PDX1: variants seen among roughly 807,000 people sequenced by gnomAD.
PDX1 encodes the protein pancreatic and duodenal homeobox 1, also known as pancreas/duodenum homeobox protein 1.
In PDX1, 7 loss-of-function variants were observed where a neutral mutation model predicts 11.1. That is an observed-to-expected ratio of 0.63 (90% CI 0.36 to 1.19). The LOEUF is 1.19. Ranked by LOEUF, PDX1 falls within the 50% of genes most tolerant of loss-of-function variation. The pLI is 0.02. For synonymous variants in PDX1, 232 were observed against 196.2 expected (o/e 1.18, Z -1.53); for missense variants, 449 against 412.1 (o/e 1.09, Z -0.78).
At position 27,920,216 on chromosome 13, in the gene PDX1, G is replaced by C; in HGVS notation, c.78G>C (p.Pro26=). 1 of 1,549,094 alleles carries C rather than the reference G, an allele frequency of 6.5e-7. No homozygotes were observed. Among genetic ancestry groups the C allele is most frequent in the Non-Finnish European group, 8.7e-7 (1 of 1,146,342 alleles). The change falls in exon 1 of 2, where the codon CCG becomes CCC. Residue 26 remains proline (P), a synonymous_variant. Coordinates refer to ENST00000381033, the MANE Select transcript of PDX1 (RefSeq NM_000209.4). Reference sequence around the variant, plus strand: ...GCGCGTTCCAGCGAGGCCCGGCGCCGGAGTTCAGCGCCAGCCCCCCTGCGT... The same window carrying C: ...GCGCGTTCCAGCGAGGCCCGGCGCCCGAGTTCAGCGCCAGCCCCCCTGCGT... ...DPCAFQRGPA[P]EFSASPPACL... is the part of the protein sequence containing the mutation.
At position 27,926,244 on chromosome 13, in the gene PDX1, T is replaced by C. The variant is rs1957825467; in HGVS notation, c.*1543T>C. 1 of 152,244 alleles carries C rather than the reference T, an allele frequency of 6.6e-6. No homozygotes were observed. Among genetic ancestry groups the C allele is most frequent in the Non-Finnish European group, 1.5e-5 (1 of 68,042 alleles). The allele number at this position is 152,244 out of a possible 1,614,324, so 9.4% of individuals were successfully genotyped here. ...AGATGAAAACTGATTCTCCTCACTT[T>C]GTTTCAAACCTTTCTGGCAGTGGGA... On this transcript the variant is annotated 3_prime_UTR_variant, in exon 2 of 2. Coordinates refer to ENST00000381033, the MANE Select transcript of PDX1 (RefSeq NM_000209.4).
intron 1 of PDX1, among the ~76,000 whole-genome samples, chr13:27,922,278 G>A (rs536068412): frequency 6.6e-6 from 1 of 152,296 alleles, no homozygotes; most frequent in East Asian, 1.9e-4. Flanking sequence ...GACACTCTCG[G>A]GCTGGAGTTG....
In PDX1 at chr13:27,924,889, T is replaced by A; in HGVS notation, c.*188T>A. ...CATGTGCCAGTTGGGGCCCCGCGGG[T>A]AGATGCCGGCAGGCCTTCCGGAAGA... On this transcript the variant is annotated 3_prime_UTR_variant, in exon 2 of 2. Coordinates refer to ENST00000381033, the MANE Select transcript of PDX1 (RefSeq NM_000209.4). This position sits in a 1 kb window ranked among gnomAD's most constrained non-coding sequence, Gnocchi z 4.8. The A allele has an allele frequency of 4.2e-6, 2 of 471,012 alleles. No homozygotes were observed. Among genetic ancestry groups the A allele is most frequent in the Non-Finnish European group, 7.1e-6 (2 of 282,872 alleles). 29.2% of individuals were successfully genotyped at this position (471,012 alleles called of 1,614,324 possible). A position where few individuals can be genotyped will look rare whatever the true frequency, so the allele number is the denominator to read the frequency against.
At chr13:27,921,181 G>A (rs1345058716) in intron 1 of PDX1, among the ~76,000 whole-genome samples, 1 of 152,268 alleles carries the variant, frequency 6.6e-6, no homozygotes, top group African/African-American at 2.4e-5. Flanking sequence ...CTGAAAGCCG[G>A]CCTCTCAACG....
chr13:27,924,211 G>C lies in PDX1; in HGVS notation c.407-45G>C. The C allele has an allele frequency of 6.7e-7, 1 of 1,497,612 alleles. No individual in the cohort carries two copies. The highest frequency in any genetic ancestry group is 1.4e-5 in the African/African-American group (1 of 72,634). The allele number at this position is 1,497,612 out of a possible 1,614,324, so 92.8% of individuals were successfully genotyped here. Reference sequence around the variant, plus strand: ...GGGTTGGGCTGCGTGGGTGGGGGCTGTGCGGGGCTCCGGGGGCCACACTCA... The same window carrying C: ...GGGTTGGGCTGCGTGGGTGGGGGCTCTGCGGGGCTCCGGGGGCCACACTCA... On this transcript the variant is annotated intron_variant, in intron 1 of 1. Transcript: ENST00000381033. This position sits in a 1 kb window ranked among gnomAD's most constrained non-coding sequence, Gnocchi z 4.8.
At position 27,920,324 on chromosome 13, in the gene PDX1, C is replaced by A. The variant is rs550685153; in HGVS notation, c.186C>A (p.Pro62=). Reference sequence around the variant, plus strand: ...TGGGCGCGCTGGAGCAGGGCAGCCCCCCGGACATCTCCCCGTACGAGGTGC... The same window carrying A: ...TGGGCGCGCTGGAGCAGGGCAGCCCACCGGACATCTCCCCGTACGAGGTGC... ...GALGALEQGS[P]PDISPYEVPP... is the part of the protein sequence containing the mutation. The change falls in exon 1 of 2, where the codon CCC becomes CCA. Residue 62 remains proline (P), a synonymous_variant. Transcript: ENST00000381033. 1.9e-6 allele frequency: 3 copies of A among 1,542,318 alleles called. No homozygotes were observed. In the South Asian group the frequency reaches 3.6e-5, roughly 18 times the overall value.
At chr13:27,923,923 T>A (rs1408146855) in intron 1 of PDX1, among the ~76,000 whole-genome samples, 3 of 152,234 alleles carry the variant, frequency 2.0e-5, no homozygotes, top group Non-Finnish European at 2.9e-5. Flanking sequence ...ATTATATACA[T>A]TTAAATCAAC....
chr13:27,920,070 C>T lies in PDX1; in HGVS notation c.-69C>T, dbSNP rs1027085993. 8.6e-5 allele frequency: 132 copies of T among 1,535,622 alleles called. No individual in the cohort carries two copies. The African/African-American group carries it at 1.7e-3, about 20-fold the overall frequency. On this transcript the variant is annotated 5_prime_UTR_variant, in exon 1 of 2. Coordinates refer to ENST00000381033, the MANE Select transcript of PDX1 (RefSeq NM_000209.4). ...GTGGGAACGCCACACAGTGCCAAAT[C>T]CCCGGCTCCAGCTCCCGACTCCCGG...
Position 27,924,104 on chromosome 13 carries a change from A to G in PDX1, c.407-152A>G. 6.4e-6 allele frequency: 4 copies of G among 626,542 alleles called. No homozygotes were observed. Among genetic ancestry groups the G allele is most frequent in the Non-Finnish European group, 1.1e-5 (4 of 373,188 alleles). 38.8% of individuals were successfully genotyped at this position (626,542 alleles called of 1,614,324 possible). On this transcript the variant is annotated intron_variant, in intron 1 of 1. Transcript: ENST00000381033. This position sits in a 1 kb window ranked among gnomAD's most constrained non-coding sequence, Gnocchi z 4.8. ...GGGAAGAGCTTCGCGCGCCTACACT[A>G]GGCGCTGAAATGGGATGCTGGGGCT... is the stretch of plus-strand genomic sequence containing the variant.
At position 27,924,851 on chromosome 13, in the gene PDX1, G is replaced by A. The variant is rs1298680875; in HGVS notation, c.*150G>A. 4.9e-6 allele frequency: 3 copies of A among 618,228 alleles called. No homozygotes were observed. The highest frequency in any genetic ancestry group is 7.0e-5 in the East Asian group (2 of 28,438). The allele number at this position is 618,228 out of a possible 1,614,324, so 38.3% of individuals were successfully genotyped here. On this transcript the variant is annotated 3_prime_UTR_variant, in exon 2 of 2. Coordinates refer to ENST00000381033, the MANE Select transcript of PDX1 (RefSeq NM_000209.4). The surrounding 1 kb of genome is among the most constrained non-coding windows in gnomAD (Gnocchi z 4.8). Reference sequence around the variant, plus strand: ...CACCTTAGACCGAAGGGGAAAACCCGCTCTCTCAGGCGCATGTGCCAGTTG... The same window carrying A: ...CACCTTAGACCGAAGGGGAAAACCCACTCTCTCAGGCGCATGTGCCAGTTG...
chr13:27,920,163 G>T lies in PDX1; in HGVS notation c.25G>T (p.Ala9Ser). 3 of 1,549,898 alleles carry T rather than the reference G, an allele frequency of 1.9e-6. No individual in the cohort carries two copies. The highest frequency in any genetic ancestry group is 1.7e-4 in the Middle Eastern group (1 of 5,948). Residue 9 changes from alanine to serine, a missense_variant, in exon 1 of 2, where the codon GCG (alanine) becomes TCG (serine). By Grantham distance (99) the Ala-to-Ser change is moderately conservative. Coordinates refer to ENST00000381033, the MANE Select transcript of PDX1 (RefSeq NM_000209.4). MNGEEQYY[A>S]ATQLYKDPCA... ...CATGAACGGCGAGGAGCAGTACTAC[G>T]CGGCCACGCAGCTTTACAAGGACCC...
In PDX1 at chr13:27,924,796, G is replaced by A; in HGVS notation, c.*95G>A. ...CCCCGGGCGTGGACCACCCGCCCTG[G>A]CAGTTGAATGGGGCGGCAATTGCGG... On this transcript the variant is annotated 3_prime_UTR_variant, in exon 2 of 2. Coordinates refer to ENST00000381033, the MANE Select transcript of PDX1 (RefSeq NM_000209.4). The surrounding 1 kb of genome is among the most constrained non-coding windows in gnomAD (Gnocchi z 4.8). The A allele has an allele frequency of 9.9e-7, 1 of 1,005,184 alleles. No homozygotes were observed. Among genetic ancestry groups the A allele is most frequent in the Non-Finnish European group, 1.3e-6 (1 of 760,460 alleles). 62.3% of individuals were successfully genotyped at this position (1,005,184 alleles called of 1,614,324 possible).
rs1413408318 is a variant in PDX1 at position 27,920,541 on chromosome 13, G to A, written c.403G>A (p.Ala135Thr). The A allele has an allele frequency of 6.2e-7, 1 of 1,612,988 alleles. No homozygotes were observed. The highest frequency in any genetic ancestry group is 8.5e-7 in the Non-Finnish European group (1 of 1,179,954). Residue 135 changes from alanine to threonine, a missense_variant, in exon 1 of 2, where the codon GCA becomes ACA. Physicochemically the swap from Ala to Thr is moderately conservative, Grantham distance 58. Around this residue, in one of 3 missense-constraint regions of PDX1, gnomAD observed 263 missense variants for 212.5 expected, o/e 1.24. Coordinates refer to ENST00000381033, the MANE Select transcript of PDX1 (RefSeq NM_000209.4). ...AGCTCACGCGTGGAAAGGCCAGTGG[G>A]CAGGTAAGCCTGGCTCCCCACCCCT... ...TKAHAWKGQW[A>T]GGAYAAEPEE...
chr13:27,920,441 G>T lies in PDX1; in HGVS notation c.303G>T (p.Pro101=), dbSNP rs778447909. 11 of 1,585,772 alleles carry T rather than the reference G, an allele frequency of 6.9e-6. No individual in the cohort carries two copies. Among genetic ancestry groups the T allele is most frequent in the Non-Finnish European group, 9.4e-6 (11 of 1,166,360 alleles). Residue 101 remains proline (P), a synonymous_variant, in exon 1 of 2, where the codon CCG becomes CCT. Transcript: ENST00000381033. The stretch of plus-strand genomic sequence containing the variant: ...CCCACCCGCCCGCCGGGCCCTTCCC[G>T]GAGGGAGCCGAGCCGGGCGTCCTGG... ...ALPHPPAGPF[P]EGAEPGVLEE... is the part of the protein sequence containing the mutation.
In PDX1 at chr13:27,924,181, TG is replaced by T. The variant is rs1957806621; in HGVS notation, c.407-74del. ...AGGGCTAGGGCTCCCTGGCCCCCCT[TG>T]AAGGGGTTGGGCTGCGTGGGTGGGG... On this transcript the variant is annotated intron_variant, in intron 1 of 1. Transcript: ENST00000381033. This position sits in a 1 kb window ranked among gnomAD's most constrained non-coding sequence, Gnocchi z 4.8. 7.6e-7 allele frequency: 1 copy of T among 1,323,206 alleles called. No homozygotes were observed. The allele number at this position is 1,323,206 out of a possible 1,614,324, so 82.0% of individuals were successfully genotyped here.
In PDX1 at chr13:27,920,231, C is replaced by T; in HGVS notation, c.93C>T (p.Ser31=). The T allele has an allele frequency of 4.5e-6, 7 of 1,548,398 alleles. No individual in the cohort carries two copies. The highest frequency in any genetic ancestry group is 5.2e-6 in the Non-Finnish European group (6 of 1,145,972). The change falls in exon 1 of 2, where the codon AGC becomes AGT. Residue 31 remains serine (S), a synonymous_variant. Coordinates refer to ENST00000381033, the MANE Select transcript of PDX1 (RefSeq NM_000209.4). ...QRGPAPEFSA[S]PPACLYMGRQ... ...GCCCGGCGCCGGAGTTCAGCGCCAGCCCCCCTGCGTGCCTGTACATGGGCC... is the reference window on the plus strand; with the variant it reads ...GCCCGGCGCCGGAGTTCAGCGCCAGTCCCCCTGCGTGCCTGTACATGGGCC...
Position 27,920,098 on chromosome 13 carries a change from C to G in PDX1, c.-41C>G. The G allele has an allele frequency of 1.9e-6, 3 of 1,547,814 alleles. No individual in the cohort carries two copies. Among genetic ancestry groups the G allele is most frequent in the Non-Finnish European group, 2.6e-6 (3 of 1,145,632 alleles). On this transcript the variant is annotated 5_prime_UTR_variant, in exon 1 of 2. Coordinates refer to ENST00000381033, the MANE Select transcript of PDX1 (RefSeq NM_000209.4). ...CGGCTCCAGCTCCCGACTCCCGGCTCCCGGCTCCCGGCTCCCGGTGCCCAA... is the reference window on the plus strand; with the variant it reads ...CGGCTCCAGCTCCCGACTCCCGGCTGCCGGCTCCCGGCTCCCGGTGCCCAA...
In PDX1 at chr13:27,920,181, A is replaced by C. The variant is rs1324849296; in HGVS notation, c.43A>C (p.Lys15Gln). The C allele has an allele frequency of 4.5e-6, 7 of 1,550,062 alleles. No homozygotes were observed. The highest frequency in any genetic ancestry group is 5.2e-6 in the Non-Finnish European group (6 of 1,146,772). Residue 15 changes from lysine to glutamine, a missense_variant, in exon 1 of 2, where the codon AAG becomes CAG. Coordinates refer to ENST00000381033, the MANE Select transcript of PDX1 (RefSeq NM_000209.4). ...GTACTACGCGGCCACGCAGCTTTAC[A>C]AGGACCCATGCGCGTTCCAGCGAGG... ...EQYYAATQLYKDPCAFQRGPA... is the reference protein window; with the variant it reads ...EQYYAATQLYQDPCAFQRGPA...
At chr13:27,921,948 G>A (rs1408465797) in intron 1 of PDX1, among the ~76,000 whole-genome samples, 1 of 152,190 alleles carries the variant, frequency 6.6e-6, no homozygotes, top group African/African-American at 2.4e-5. Context: ...TAGGAGGCGG[G>A]AGGACAGTCC....
Sources: allele counts gnomAD v4.1 joint callset (sites outside exome capture counted in the v4.1 genomes callset), GRCh38; gene constraint gnomAD v4.1.1; regional missense constraint gnomAD v4.1.1; non-coding constraint Gnocchi (gnomAD v3.1); transcripts MANE v1.5; gene names NCBI Gene and HGNC (gene_info 2026-07-23, HGNC 2026-07-21).